Variants in SMU1 observed in about 807,000 individuals in gnomAD.
SMU1 encodes WD40 repeat-containing protein SMU1.
In SMU1, 2 loss-of-function variants were observed where a neutral mutation model predicts 62.0. The ratio of observed to expected loss-of-function variants is 0.03; its 90% CI spans 0.01 to 0.10. SMU1 has a LOEUF of 0.10. Ranked by LOEUF, SMU1 falls within the 10% of genes least tolerant of loss-of-function variation. The pLI is 1.00. For missense variants in SMU1, 227 were observed against 622.1 expected (o/e 0.36, Z 6.76); for synonymous variants, 188 against 212.4 (o/e 0.89, Z 1.00).
chr9:33,053,414 T>C lies in SMU1; in HGVS notation c.1123-124A>G, dbSNP rs536505756. ...AATGATTCAGGGGAAAAAAGTTTCT[T>C]ACTTGATTTTAGGTCCAATCAAATA... On this transcript the variant is annotated intron_variant, in intron 9 of 11. Transcript: ENST00000397149. 2.0e-3 allele frequency: 1,988 copies of C among 998,930 alleles called. 7 individuals are homozygous for C. Among genetic ancestry groups the C allele is most frequent in the Middle Eastern group, 5.6e-3 (17 of 3,062 alleles). The allele number at this position is 998,930 out of a possible 1,614,324, so 61.9% of individuals were successfully genotyped here.
At position 33,069,020 on chromosome 9, in the gene SMU1, TAC is replaced by T. The variant is rs898397938; in HGVS notation, c.391-88_391-87del. On this transcript the variant is annotated intron_variant, in intron 3 of 11. Coordinates refer to ENST00000397149, the MANE Select transcript of SMU1 (RefSeq NM_018225.3). Reference sequence around the variant, plus strand: ...TATTTAAAACAAACAAGCAGAAGCATACACAGAGGAAAATGTGAAAAGAAATT... The same window carrying T: ...TATTTAAAACAAACAAGCAGAAGCATACAGAGGAAAATGTGAAAAGAAATT... 6 of 1,463,676 alleles carry T rather than the reference TAC, an allele frequency of 4.1e-6. No individual in the cohort carries two copies. The African/African-American group carries it at 8.5e-5, about 21-fold the overall frequency. The allele number at this position is 1,463,676 out of a possible 1,614,324, so 90.7% of individuals were successfully genotyped here. A position where few individuals can be genotyped will look rare whatever the true frequency, so the allele number is the denominator to read the frequency against.
chr9:33,056,678 T>C (rs1839307538), intron 8 of SMU1, among the ~76,000 whole-genome samples, 159 bp downstream of exon 8: 1 of 152,220 alleles, frequency 6.6e-6, no homozygotes, highest in Non-Finnish European at 1.5e-5. Flanking sequence ...CAAGTGTCAG[T>C]TGTACTTTGG....
chr9:33,050,140 T>C (rs1472715408), intron 10 of SMU1, among the ~76,000 whole-genome samples: 1 of 152,096 alleles, frequency 6.6e-6, no homozygotes, highest in Non-Finnish European at 1.5e-5. Flanking sequence ...CAAATGAGCA[T>C]ATGAAAAGAT....
chr9:33,072,722 G>A lies in SMU1; in HGVS notation c.238-830C>T, dbSNP rs538028580. On this transcript the variant is annotated intron_variant, in intron 2 of 11. Transcript: ENST00000397149. ...TGCACGCCTGTAATCCCAGCTACTCGGGAGGCTGAGGCAGGAGAATCGCTT... is the reference window on the plus strand; with the variant it reads ...TGCACGCCTGTAATCCCAGCTACTCAGGAGGCTGAGGCAGGAGAATCGCTT... 2.0e-3 allele frequency among the ~76,000 whole-genome samples: 306 copies of A among 151,742 alleles called. 1 individual carries two copies. Among genetic ancestry groups the A allele is most frequent in the Non-Finnish European group, 3.7e-3 (254 of 67,900 alleles).
At position 33,049,534 on chromosome 9, in the gene SMU1, GTTTGATGACTTT is replaced by G. The variant is rs374091227; in HGVS notation, c.1291-1288_1291-1277del. On this transcript the variant is annotated intron_variant, in intron 10 of 11. Transcript: ENST00000397149. ...AAAAAGAAAATCTAGATGATCTTGA[GTTTGATGACTTT>G]TTAGATACAACTCCTAAGACATGAT... 7.7e-3 allele frequency among the ~76,000 whole-genome samples: 1,168 copies of G among 152,238 alleles called. 10 individuals carry two copies. The highest frequency in any genetic ancestry group is 0.027 in the African/African-American group (1,116 of 41,544).
At chr9:33,055,286 T>C (rs1048237431) in intron 9 of SMU1, among the ~76,000 whole-genome samples, 5 of 152,108 alleles carry the variant, frequency 3.3e-5, no homozygotes, top group African/African-American at 1.2e-4. Flanking sequence ...GAGTGATCCT[T>C]TCACCTCAGC....
In SMU1 at chr9:33,046,892, CAA is replaced by C. The variant is rs749026086; in HGVS notation, c.*399_*400del. On this transcript the variant is annotated 3_prime_UTR_variant, in exon 12 of 12. Transcript: ENST00000397149. ...CTGGGCAACAAGCAAAACTCCATCT[CAA>C]AAAAAAAAAAAAAGATGGAACAGAA... 5.2e-4 allele frequency: 49 copies of C among 94,106 alleles called. No homozygotes were observed. Among genetic ancestry groups the C allele is most frequent in the South Asian group, 9.4e-4 (3 of 3,186 alleles). 5.8% of individuals were successfully genotyped at this position (94,106 alleles called of 1,614,324 possible).
chr9:33,073,078 T>C (rs1031803315), intron 2 of SMU1, among the ~76,000 whole-genome samples: 15 of 152,026 alleles, frequency 9.9e-5, no homozygotes, highest in African/African-American at 3.6e-4. Flanking sequence ...TCAGGATAGG[T>C]AGGAGCTAGT....
chr9:33,053,324 T>C (rs189437083), intron 9 of SMU1, 34 bp from the exon 10 acceptor site: 1 of 1,590,866 alleles, frequency 6.3e-7, no homozygotes, highest in Admixed American at 1.8e-5. Context: ...TAAACCTTTT[T>C]TAGGTATAAA....
At chr9:33,056,758 G>GT in intron 8 of SMU1, 79 bp downstream of exon 8, 1 of 1,461,724 alleles carries the variant, frequency 6.8e-7, no homozygotes, top group Non-Finnish European at 9.4e-7. Context: ...TGGTAAAAGC[G>GT]TAAGGAATCA....
intron 6 of SMU1, among the ~76,000 whole-genome samples, chr9:33,058,054 A>G (rs1839321103): frequency 6.6e-6 from 1 of 152,214 alleles, no homozygotes. Context: ...GTGGGAAACT[A>G]AACTAATATT....
In SMU1 at chr9:33,046,183, A is replaced by T. The variant is rs1839182679; in HGVS notation, c.*1110T>A. On this transcript the variant is annotated 3_prime_UTR_variant, in exon 12 of 12. Transcript: ENST00000397149. ...TTTCTAAATCTCAAGTCCTTTGCTA[A>T]TTTTTCTTTGGAACAACAGCACATT... 1 of 152,178 alleles carries T rather than the reference A, an allele frequency of 6.6e-6. No individual in the cohort carries two copies. The highest frequency in any genetic ancestry group is 1.5e-5 in the Non-Finnish European group (1 of 68,032). The allele number at this position is 152,178 out of a possible 1,614,324, so 9.4% of individuals were successfully genotyped here. A position where few individuals can be genotyped will look rare whatever the true frequency, so the allele number is the denominator to read the frequency against.
chr9:33,054,384 T>C (rs1212064014), intron 9 of SMU1, among the ~76,000 whole-genome samples: 3 of 152,136 alleles, frequency 2.0e-5, no homozygotes, highest in East Asian at 3.9e-4. Context: ...GGGTGAGGCA[T>C]AGGCATTTTT....
intron 11 of SMU1, among the ~76,000 whole-genome samples, chr9:33,047,878 T>A (rs1839203856): frequency 6.6e-6 from 1 of 151,880 alleles, no homozygotes; most frequent in Non-Finnish European, 1.5e-5. Flanking sequence ...TAAAATAAAA[T>A]AAAAATAAAC....
intron 8 of SMU1, 87 bp downstream of exon 8, chr9:33,056,750 G>A: frequency 7.1e-7 from 1 of 1,407,952 alleles, no homozygotes. Flanking sequence ...AAGCATCATG[G>A]TAAAAGCGTA....
At chr9:33,074,252 C>G (rs779481594) in intron 1 of SMU1, among the ~76,000 whole-genome samples, 3 of 152,042 alleles carry the variant, frequency 2.0e-5, no homozygotes, top group Non-Finnish European at 4.4e-5. Flanking sequence ...TGGCTGGAAA[C>G]CAGGAGGTTT....
chr9:33,045,003 ATTTGCTCTTCTTCCCTATGT>A lies in SMU1; in HGVS notation c.*2270_*2289del, dbSNP rs1839169327. The A allele has an allele frequency of 6.6e-6, 1 of 152,132 alleles. No individual in the cohort carries two copies. The highest frequency in any genetic ancestry group is 2.1e-4 in the South Asian group (1 of 4,826). The allele number at this position is 152,132 out of a possible 1,614,324, so 9.4% of individuals were successfully genotyped here. A position where few individuals can be genotyped will look rare whatever the true frequency, so the allele number is the denominator to read the frequency against. On this transcript the variant is annotated 3_prime_UTR_variant, in exon 12 of 12. Coordinates refer to ENST00000397149, the MANE Select transcript of SMU1 (RefSeq NM_018225.3). ...TTATCAGTTTTAATTACTCCTTTTA[ATTTGCTCTTCTTCCCTATGT>A]TTAGGCAGAAACGAGTCTTTTTTTA...
At chr9:33,067,224 GAGTA>G (rs899358925) in intron 4 of SMU1, among the ~76,000 whole-genome samples, 8 of 140,168 alleles carry the variant, frequency 5.7e-5, no homozygotes, top group South Asian at 2.3e-4. Flanking sequence ...TCCAGAAGAA[GAGTA>G]AGTGTGTATT....
intron 9 of SMU1, among the ~76,000 whole-genome samples, chr9:33,054,777 T>G (rs1242852666): frequency 6.6e-6 from 1 of 152,214 alleles, no homozygotes; most frequent in East Asian, 1.9e-4. Flanking sequence ...ACAGTTGCCC[T>G]GGTGTCAACA....
Sources: allele counts gnomAD v4.1 joint callset (sites outside exome capture counted in the v4.1 genomes callset), GRCh38; gene constraint gnomAD v4.1.1; transcripts MANE v1.5; gene names NCBI Gene and HGNC (gene_info 2026-07-23, HGNC 2026-07-21).